Variants in LAMA2 observed in about 807,000 individuals in gnomAD.
LAMA2 encodes laminin subunit alpha-2.
A neutral mutation model predicts 364.8 loss-of-function variants in LAMA2; 269 were observed. The ratio of observed to expected loss-of-function variants is 0.74; its 90% CI spans 0.67 to 0.82. The LOEUF (loss-of-function observed/expected upper bound fraction) is 0.82, where lower values mean the gene tolerates loss of function less well. Ranked by LOEUF, LAMA2 falls within the 40% of genes least tolerant of loss-of-function variation. LAMA2 has a pLI of 0.00. For missense variants in LAMA2, 3,807 were observed against 3,873.2 expected (o/e 0.98, Z 0.45); for synonymous variants, 1,379 against 1,370.6 (o/e 1.01, Z -0.14).
Position 129,440,866 on chromosome 6 carries a change from G to C in LAMA2, c.6136G>C (p.Asp2046His), listed in dbSNP as rs201265215. 3.7e-6 allele frequency: 6 copies of C among 1,613,894 alleles called. No individual in the cohort carries two copies. The East Asian group carries it at 1.1e-4, about 30-fold the overall frequency. ...AVKDKARQAN[D>H]TAKDVLAQIT... Reference sequence around the variant, plus strand: ...TAAGGACAAAGCCAGACAAGCCAACGACACAGCTAAAGATGTACTGGCACA... The same window carrying C: ...TAAGGACAAAGCCAGACAAGCCAACCACACAGCTAAAGATGTACTGGCACA... The change falls in exon 43 of 65, where the codon GAC becomes CAC. Residue 2046 changes from aspartate to histidine, a missense_variant. By Grantham distance (81) the Asp-to-His change is moderately conservative. This residue lies in a region of LAMA2 where 3,333 missense variants were observed against 3,345.7 expected (regional missense o/e 1.00). Coordinates refer to ENST00000421865, the MANE Select transcript of LAMA2 (RefSeq NM_000426.4).
intron 3 of LAMA2, among the ~76,000 whole-genome samples, chr6:129,068,589 A>G (rs1429070123): frequency 6.6e-6 from 1 of 152,210 alleles, no homozygotes; most frequent in African/African-American, 2.4e-5. Flanking sequence ...CCCATCACCT[A>G]ATACCATCAC....
intron 27 of LAMA2, among the ~76,000 whole-genome samples, chr6:129,316,899 T>G (rs1396128503): frequency 2.0e-5 from 3 of 152,212 alleles, no homozygotes; most frequent in Non-Finnish European, 4.4e-5. Flanking sequence ...AGCCCAATAT[T>G]ATGAGTGTAA....
At chr6:129,058,509 G>A (rs2114792968) in intron 2 of LAMA2, among the ~76,000 whole-genome samples, 1 of 152,314 alleles carries the variant, frequency 6.6e-6, no homozygotes, top group Non-Finnish European at 1.5e-5. Context: ...GTTTTTGGTA[G>A]GATAGAGTTT....
At chr6:129,085,887 C>G (rs1039911548) in intron 3 of LAMA2, among the ~76,000 whole-genome samples, 10 of 152,282 alleles carry the variant, frequency 6.6e-5, no homozygotes, top group African/African-American at 2.4e-4. Context: ...TTTTCAGAAA[C>G]TTTTGTTAAC....
chr6:128,953,777 G>A (rs754860564), intron 1 of LAMA2, among the ~76,000 whole-genome samples: 3 of 151,958 alleles, frequency 2.0e-5, no homozygotes, highest in Non-Finnish European at 4.4e-5. Flanking sequence ...GACAATTTTT[G>A]GTGTGCGGTT....
At chr6:128,927,082 T>C (rs1332087919) in intron 1 of LAMA2, among the ~76,000 whole-genome samples, 1 of 152,200 alleles carries the variant, frequency 6.6e-6, no homozygotes, top group Non-Finnish European at 1.5e-5. Context: ...GAATGATCGA[T>C]GGCTACTGAA....
At chr6:129,052,097 A>G (rs1362336327) in intron 2 of LAMA2, among the ~76,000 whole-genome samples, 1 of 151,648 alleles carries the variant, frequency 6.6e-6, no homozygotes, top group Non-Finnish European at 1.5e-5. Context: ...AAAGCTTCAC[A>G]ATTATATTAT....
intron 1 of LAMA2, among the ~76,000 whole-genome samples, chr6:129,034,237 C>T (rs1187014941): frequency 6.6e-6 from 1 of 152,024 alleles, no homozygotes. Context: ...TTTTTTTGCA[C>T]TTCAAGAAGT....
chr6:129,225,441 G>A (rs554436060), intron 12 of LAMA2, among the ~76,000 whole-genome samples: 2 of 152,162 alleles, frequency 1.3e-5, no homozygotes, highest in East Asian at 3.9e-4. Flanking sequence ...GTCAATTTTG[G>A]ATCTTTCCTG....
chr6:129,048,709 G>T (rs183919534), intron 1 of LAMA2, among the ~76,000 whole-genome samples: 3 of 150,984 alleles, frequency 2.0e-5, no homozygotes, highest in Non-Finnish European at 4.4e-5. Flanking sequence ...CCACCTCCCG[G>T]GCTCAAGCAA....
At chr6:128,900,538 C>G (rs951999992) in intron 1 of LAMA2, among the ~76,000 whole-genome samples, 1 of 152,048 alleles carries the variant, frequency 6.6e-6, no homozygotes, top group African/African-American at 2.4e-5. Context: ...ATGATACTGT[C>G]GGATGTAGGC....
intron 62 of LAMA2, among the ~76,000 whole-genome samples, chr6:129,511,613 A>G (rs1786582801): frequency 6.6e-6 from 1 of 152,150 alleles, no homozygotes. Context: ...CTTGGAGAAA[A>G]TTCCCCTGAG....
chr6:129,460,499 A>G (rs1166447368), intron 49 of LAMA2, among the ~76,000 whole-genome samples, 175 bp downstream of exon 49: 2 of 152,086 alleles, frequency 1.3e-5, no homozygotes, highest in Admixed American at 6.6e-5. Flanking sequence ...CTGCATTTGC[A>G]CAGGCATTTT....
In LAMA2 at chr6:128,958,405, G is replaced by T. The variant is rs537837196; in HGVS notation, c.112+75048G>T. ...TCTAACAGGCTCCTGGGTACCCATGGTGTTTATTATATTATGAAGAAATAA... is the reference window on the plus strand; with the variant it reads ...TCTAACAGGCTCCTGGGTACCCATGTTGTTTATTATATTATGAAGAAATAA... On this transcript the variant is annotated intron_variant, in intron 1 of 64. Transcript: ENST00000421865. Among the ~76,000 whole-genome samples the T allele has an allele frequency of 1.0e-3, 157 of 152,108 alleles. 2 individuals are homozygous for T. The highest frequency in any genetic ancestry group is 1.6e-3 in the Non-Finnish European group (109 of 67,982).
At chr6:128,892,443 G>A (rs973156753) in intron 1 of LAMA2, among the ~76,000 whole-genome samples, 2 of 151,978 alleles carry the variant, frequency 1.3e-5, no homozygotes, top group East Asian at 1.9e-4. Flanking sequence ...TGTTGAATAT[G>A]TATTTATTTT....
chr6:129,060,878 C>T (rs1214792911), intron 3 of LAMA2, among the ~76,000 whole-genome samples: 1 of 152,188 alleles, frequency 6.6e-6, no homozygotes, highest in African/African-American at 2.4e-5. Flanking sequence ...GTAGACCTGC[C>T]TTCCACCCAT....
chr6:129,170,425 G>A (rs1276208639), intron 9 of LAMA2, among the ~76,000 whole-genome samples: 2 of 130,938 alleles, frequency 1.5e-5, no homozygotes, highest in Non-Finnish European at 3.1e-5. Flanking sequence ...TATGTACCCA[G>A]TAGTCATTCA....
At chr6:129,131,230 G>A (rs1028218685) in intron 4 of LAMA2, among the ~76,000 whole-genome samples, 3 of 152,196 alleles carry the variant, frequency 2.0e-5, no homozygotes, top group African/African-American at 7.2e-5. Flanking sequence ...TGTTTGTCAA[G>A]AGGAAAGAGA....
chr6:129,217,187 C>CAA (rs5879929), intron 12 of LAMA2, among the ~76,000 whole-genome samples: 352 of 145,278 alleles, frequency 2.4e-3, no homozygotes, highest in Admixed American at 3.0e-3. Context: ...GACTCCATCT[C>CAA]AAAAAAAAAA....
Sources: gnomAD v4.1 joint callset for allele counts (sites outside exome capture counted in the v4.1 genomes callset) on GRCh38, gnomAD v4.1.1 for gene constraint, gnomAD v4.1.1 regional missense constraint, MANE v1.5 for transcripts, NCBI Gene and HGNC (gene_info 2026-07-23, HGNC 2026-07-21) for gene names.